The following ACSL6 variants were observed in gnomAD, a reference collection of about 807,000 sequenced individuals.
ACSL6 encodes acyl-CoA synthetase long chain family member 6.
Under a neutral mutation model 98.2 loss-of-function variants are expected in ACSL6, and 47 were observed. That is an observed-to-expected ratio of 0.48 (90% CI 0.38 to 0.61). The LOEUF (loss-of-function observed/expected upper bound fraction) is 0.61. ACSL6 is among the 20% of genes least tolerant of loss of function. The probability of loss-of-function intolerance (pLI) is 0.00; values close to 1 mark genes in which losing one functional copy is unlikely to be tolerated. For missense variants in ACSL6, 761 were observed against 913.4 expected, an observed-to-expected ratio of 0.83 and a Z score of 2.15; for synonymous variants, 362 against 336.9, an observed-to-expected ratio of 1.07 and a Z score of -0.82.
At chr5:131,980,378 C>T (rs1283398448) in intron 9 of ACSL6, among the ~76,000 whole-genome samples, 1 of 152,114 alleles carries the variant, frequency 6.6e-6, no homozygotes, top group Non-Finnish European at 1.5e-5. Context: ...TACTCAACAC[C>T]CACTAATGTT....
intron 1 of ACSL6, among the ~76,000 whole-genome samples, chr5:132,008,254 C>A (rs1374880170): frequency 3.3e-5 from 5 of 152,210 alleles, no homozygotes. Context: ...CAAGTCAGTT[C>A]TCTGTCCTAA....
At chr5:131,963,669 A>T (rs1752857075) in intron 17 of ACSL6, among the ~76,000 whole-genome samples, 1 of 152,108 alleles carries the variant, frequency 6.6e-6, no homozygotes, top group South Asian at 2.1e-4. Context: ...TCACAAATCC[A>T]TCTCATATCC....
intron 20 of ACSL6, among the ~76,000 whole-genome samples, chr5:131,955,354 A>G (rs1752346059): frequency 6.6e-6 from 1 of 152,218 alleles, no homozygotes; most frequent in Non-Finnish European, 1.5e-5. Flanking sequence ...AGAAGCACAG[A>G]TTCAGTAAGG....
upstream of ACSL6, chr5:132,011,975 A>G (rs918146042): frequency 4.6e-6 from 7 of 1,521,876 alleles, no homozygotes; most frequent in Non-Finnish European, 6.2e-6. The surrounding 1 kb of genome is among the most constrained non-coding windows in gnomAD (Gnocchi z 5.4). Flanking sequence ...AGAGCGTGAC[A>G]TTGAGCCCAC....
chr5:131,974,667 G>A (rs1753517698), intron 11 of ACSL6: 1 of 1,423,644 alleles, frequency 7.0e-7, no homozygotes, highest in East Asian at 2.5e-5. Context: ...AGGGCAGTTT[G>A]GTCCTACTTC....
chr5:131,975,095 G>A, intron 10 of ACSL6, 125 bp from the exon 11 acceptor site: 2 of 1,435,464 alleles, frequency 1.4e-6, no homozygotes, highest in Non-Finnish European at 1.9e-6. Context: ...GAGGGGAATG[G>A]GAGTGGTGAG....
rs1752210836 is a variant in ACSL6 at position 131,952,649 on chromosome 5, G to C, written c.*1585C>G. The C allele has an allele frequency of 9.4e-6, 2 of 213,480 alleles. No individual in the cohort carries two copies. Among genetic ancestry groups the C allele is most frequent in the Non-Finnish European group, 1.9e-5 (2 of 105,884 alleles). 13.2% of individuals were successfully genotyped at this position (213,480 alleles called of 1,614,324 possible). A position where few individuals can be genotyped will look rare whatever the true frequency, so the allele number is the denominator to read the frequency against. On this transcript the variant is annotated 3_prime_UTR_variant, in exon 21 of 21. Coordinates refer to ENST00000651883, the MANE Select transcript of ACSL6 (RefSeq NM_001009185.3). ...GCCTTTTTCAGAGGCACAATCTATA[G>C]CTTGGAACTTAATTGCTGTCCATGG...
chr5:131,998,909 C>A (rs1754924031), intron 1 of ACSL6, among the ~76,000 whole-genome samples: 1 of 152,172 alleles, frequency 6.6e-6, no homozygotes, highest in Non-Finnish European at 1.5e-5. Context: ...TCCTCGGATT[C>A]TTCCCTCCCC....
chr5:131,973,848 T>G (rs1753460308), intron 11 of ACSL6: 1 of 156,376 alleles, frequency 6.4e-6, no homozygotes, highest in South Asian at 2.0e-4. Flanking sequence ...CTGGAGATGC[T>G]GCTGAAGTTG....
chr5:131,963,487 T>C (rs1487688387), intron 17 of ACSL6, among the ~76,000 whole-genome samples: 2 of 152,178 alleles, frequency 1.3e-5, no homozygotes, highest in South Asian at 2.1e-4. Context: ...CCAAATACCC[T>C]TGGAATGCTT....
chr5:131,986,954 CAT>C, intron 7 of ACSL6, 100 bp from the exon 8 acceptor site: 1 of 1,156,006 alleles, frequency 8.7e-7, no homozygotes, highest in Non-Finnish European at 1.3e-6. Flanking sequence ...CGCACATACA[CAT>C]ACACACACAC....
At chr5:131,965,968 C>A (rs533113551) in intron 17 of ACSL6, among the ~76,000 whole-genome samples, 259 of 152,278 alleles carry the variant, frequency 1.7e-3, no homozygotes, top group African/African-American at 5.7e-3. Context: ...GCTGGCAAAG[C>A]CACAGGAACT....
intron 1 of ACSL6, among the ~76,000 whole-genome samples, chr5:132,009,124 G>A (rs537620830): frequency 1.5e-4 from 23 of 152,322 alleles, no homozygotes; most frequent in African/African-American, 5.5e-4. Context: ...CAGGCAACAG[G>A]ACAGACACAG....
At chr5:132,011,720 G>C, upstream of ACSL6, 3 of 1,275,278 alleles carry the variant, frequency 2.4e-6, no homozygotes, top group Non-Finnish European at 3.0e-6. This position sits in a 1 kb window ranked among gnomAD's most constrained non-coding sequence, Gnocchi z 5.4. Context: ...CGCCGCTGCG[G>C]AGACGGCTCA....
intron 15 of ACSL6, among the ~76,000 whole-genome samples, chr5:131,968,423 T>C (rs1240823646): frequency 6.6e-6 from 1 of 152,216 alleles, no homozygotes; most frequent in Non-Finnish European, 1.5e-5. Flanking sequence ...TCATAAAATA[T>C]AGCAATCATT....
chr5:131,959,157 T>G (rs754731651), intron 20 of ACSL6, among the ~76,000 whole-genome samples: 1 of 152,074 alleles, frequency 6.6e-6, no homozygotes, highest in Non-Finnish European at 1.5e-5. Flanking sequence ...TCCAGTGTCC[T>G]CCTAACAAGT....
chr5:131,999,263 C>T (rs764783054), intron 1 of ACSL6, among the ~76,000 whole-genome samples: 7 of 151,910 alleles, frequency 4.6e-5, no homozygotes, highest in Non-Finnish European at 8.8e-5. Context: ...GGCCTCATCT[C>T]AAACAAGCTC....
At chr5:131,974,496 T>G (rs185701548) in intron 11 of ACSL6, among the ~76,000 whole-genome samples, 13 of 152,364 alleles carry the variant, frequency 8.5e-5, no homozygotes, top group Non-Finnish European at 1.8e-4. Context: ...TGCAATACTC[T>G]CTGAGAAGAT....
Position 131,974,973 on chromosome 5 carries a change from G to A in ACSL6, c.991-3C>T, listed in dbSNP as rs746560144. On this transcript the variant is annotated splice_region_variant and splice_polypyrimidine_tract_variant and intron_variant, in intron 10 of 20. Transcript: ENST00000651883. ...TCCTGTCTCGGAAAGATCACTTTCT[G>A]CAGGCGACGGGCATGGGAGACAGAA... is the stretch of plus-strand genomic sequence containing the variant. The A allele has an allele frequency of 6.2e-7, 1 of 1,613,722 alleles. No individual in the cohort carries two copies. Among genetic ancestry groups the A allele is most frequent in the Non-Finnish European group, 8.5e-7 (1 of 1,179,824 alleles).
Sources: allele counts gnomAD v4.1 joint callset (sites outside exome capture counted in the v4.1 genomes callset), GRCh38; gene constraint gnomAD v4.1.1; non-coding constraint Gnocchi (gnomAD v3.1); transcripts MANE v1.5; gene names NCBI Gene and HGNC (gene_info 2026-07-23, HGNC 2026-07-21).